The following AUTS2 variants were observed in gnomAD, a reference collection of about 807,000 sequenced individuals.
AUTS2 encodes the protein activator of transcription and developmental regulator AUTS2.
Under a neutral mutation model 112.4 loss-of-function variants are expected in AUTS2, and 17 were observed. The ratio of observed to expected loss-of-function variants is 0.15; its 90% CI spans 0.10 to 0.23. The LOEUF (loss-of-function observed/expected upper bound fraction) is 0.23. Ranked by LOEUF, AUTS2 falls within the 10% of genes least tolerant of loss-of-function variation. AUTS2 has a pLI of 1.00. For missense variants in AUTS2, 1,510 were observed against 1,701.6 expected, an observed-to-expected ratio of 0.89 and a Z score of 1.98; for synonymous variants, 751 against 702.7, an observed-to-expected ratio of 1.07 and a Z score of -1.09.
rs975839472 is a variant in AUTS2, at chr7:70,694,756, C to G, written c.691-3813C>G. 1.3e-5 allele frequency: 2 copies of G among 148,808 alleles called. No homozygotes were observed. Among genetic ancestry groups the G allele is most frequent in the African/African-American group, 2.4e-5 (1 of 41,106 alleles). The allele number at this position is 148,808 out of a possible 1,614,324, so 9.2% of individuals were successfully genotyped here. ...GCGATCTCGGCGGGCGCGCTCCTCCCGCCGCCCGGGGCCTCGGCCGCGCTG... is the reference window on the plus strand; with the variant it reads ...GCGATCTCGGCGGGCGCGCTCCTCCGGCCGCCCGGGGCCTCGGCCGCGCTG... On this transcript the variant is annotated intron_variant, in intron 5 of 18. Coordinates refer to ENST00000342771, the MANE Select transcript of AUTS2 (RefSeq NM_015570.4). This position sits in a 1 kb window ranked among gnomAD's most constrained non-coding sequence, Gnocchi z 4.1.
At chr7:70,124,039 A>G (rs1408581775) in intron 3 of AUTS2, among the ~76,000 whole-genome samples, 1 of 152,134 alleles carries the variant, frequency 6.6e-6, no homozygotes, top group Non-Finnish European at 1.5e-5. Flanking sequence ...AATATTAATA[A>G]TAGCCATTTG....
chr7:70,758,617 A>T (rs546282873), intron 6 of AUTS2, among the ~76,000 whole-genome samples: 3 of 152,336 alleles, frequency 2.0e-5, no homozygotes, highest in African/African-American at 7.2e-5. Flanking sequence ...AAGAAGAGAG[A>T]GTTTTAAACC....
intron 1 of AUTS2, among the ~76,000 whole-genome samples, chr7:69,817,745 A>C (rs1790824383): frequency 6.6e-6 from 1 of 152,138 alleles, no homozygotes; most frequent in Admixed American, 6.5e-5. Flanking sequence ...GGGTGGCGGG[A>C]CAGCCCTGCC....
At chr7:69,683,059 A>C (rs1364674338) in intron 1 of AUTS2, among the ~76,000 whole-genome samples, 1 of 152,238 alleles carries the variant, frequency 6.6e-6, no homozygotes, top group Non-Finnish European at 1.5e-5. Flanking sequence ...GAGGGCTCAG[A>C]ACGGAAAACC....
intron 5 of AUTS2, among the ~76,000 whole-genome samples, chr7:70,633,755 G>A (rs1805395593): frequency 6.6e-6 from 1 of 152,082 alleles, no homozygotes; most frequent in Non-Finnish European, 1.5e-5. Context: ...ATTAAATAAT[G>A]CCTCAATTGA....
At chr7:70,239,581 A>T (rs1812500265) in intron 4 of AUTS2, among the ~76,000 whole-genome samples, 2 of 152,128 alleles carry the variant, frequency 1.3e-5, no homozygotes, top group South Asian at 2.1e-4. Context: ...AATTACAGGC[A>T]CCCACCACCA....
intron 4 of AUTS2, among the ~76,000 whole-genome samples, chr7:70,280,153 G>A (rs917304662): frequency 1.3e-5 from 2 of 152,070 alleles, no homozygotes; most frequent in African/African-American, 4.8e-5. Flanking sequence ...ATAAATAGTA[G>A]TTACAGCTCT....
At chr7:70,520,208 G>A (rs945308523) in intron 5 of AUTS2, among the ~76,000 whole-genome samples, 22 of 152,038 alleles carry the variant, frequency 1.4e-4, no homozygotes, top group Non-Finnish European at 3.1e-4. Context: ...ATCAAGTCTT[G>A]TTCTCTCTCT....
chr7:70,255,047 AG>A (rs1278610474), intron 4 of AUTS2, among the ~76,000 whole-genome samples: 1 of 149,864 alleles, frequency 6.7e-6, no homozygotes, highest in Non-Finnish European at 1.5e-5. Flanking sequence ...TATGGAATAC[AG>A]GGGTTGTTCT....
chr7:70,179,844 T>C (rs1447813743), intron 4 of AUTS2, among the ~76,000 whole-genome samples: 1 of 152,200 alleles, frequency 6.6e-6, no homozygotes, highest in Non-Finnish European at 1.5e-5. Flanking sequence ...TTCTGGGTGG[T>C]ATTTTATCTC....
chr7:70,448,000 G>A (rs2131018923), intron 5 of AUTS2, among the ~76,000 whole-genome samples: 1 of 152,230 alleles, frequency 6.6e-6, no homozygotes, highest in African/African-American at 2.4e-5. Flanking sequence ...TTCTTTAAAA[G>A]GACAATTTAA....
intron 2 of AUTS2, among the ~76,000 whole-genome samples, chr7:70,061,897 C>T (rs980540033): frequency 1.1e-4 from 17 of 151,802 alleles, no homozygotes; most frequent in Non-Finnish European, 2.5e-4. Context: ...AAGCAATTCT[C>T]CCACCTCAGC....
At chr7:69,655,365 A>G (rs148503028) in intron 1 of AUTS2, among the ~76,000 whole-genome samples, 17 of 148,252 alleles carry the variant, frequency 1.1e-4, no homozygotes, top group African/African-American at 3.5e-4. Flanking sequence ...ACTGAAAACA[A>G]TTACCTGACT....
chr7:70,742,291 C>T (rs1788161426), intron 6 of AUTS2, among the ~76,000 whole-genome samples: 1 of 152,126 alleles, frequency 6.6e-6, no homozygotes. Flanking sequence ...CCAAAGTCTC[C>T]CCCCGCCAGA....
At chr7:69,722,692 A>T (rs546362483) in intron 1 of AUTS2, among the ~76,000 whole-genome samples, 27 of 152,178 alleles carry the variant, frequency 1.8e-4, no homozygotes, top group Middle Eastern at 3.4e-3. Flanking sequence ...ACTGTGTTTC[A>T]TTTGTCCTTT....
At chr7:70,477,230 T>C (rs1377289152) in intron 5 of AUTS2, among the ~76,000 whole-genome samples, 1 of 152,200 alleles carries the variant, frequency 6.6e-6, no homozygotes. Flanking sequence ...AGCCATATTT[T>C]TCAGTTGCCA....
At chr7:69,787,085 GCATTTGATC>G (rs916574918) in intron 1 of AUTS2, among the ~76,000 whole-genome samples, 1 of 152,170 alleles carries the variant, frequency 6.6e-6, no homozygotes, top group Non-Finnish European at 1.5e-5. Context: ...CTGGCTTTCA[GCATTTGATC>G]CAATTATGTT....
rs147548666 is a variant in AUTS2, at chr7:69,896,095, T to G, written c.310-3191T>G. On this transcript the variant is annotated intron_variant, in intron 1 of 18. Coordinates refer to ENST00000342771, the MANE Select transcript of AUTS2 (RefSeq NM_015570.4). ...AGTGTTGCCATTATTCCTGAGTGTC[T>G]CTTTATGGCAGCTATTTTGGTTAAA... Among the ~76,000 whole-genome samples, 552 of 152,318 alleles carry G rather than the reference T, an allele frequency of 3.6e-3. 3 individuals are homozygous for G. Among genetic ancestry groups the G allele is most frequent in the African/African-American group, 0.012 (511 of 41,572 alleles).
chr7:70,068,707 A>C (rs1207412721), intron 2 of AUTS2, among the ~76,000 whole-genome samples: 1 of 152,212 alleles, frequency 6.6e-6, no homozygotes, highest in Non-Finnish European at 1.5e-5. Context: ...AAAAGCAATC[A>C]AACAACAAGG....
Sources: allele counts gnomAD v4.1 joint callset (sites outside exome capture counted in the v4.1 genomes callset), GRCh38; gene constraint gnomAD v4.1.1; non-coding constraint Gnocchi (gnomAD v3.1); transcripts MANE v1.5; gene names NCBI Gene and HGNC (gene_info 2026-07-23, HGNC 2026-07-21).